Variants in NFATC1 observed in about 807,000 individuals in gnomAD.
NFATC1 encodes the protein nuclear factor of activated T-cells, cytoplasmic 1.
A neutral mutation model predicts 76.0 loss-of-function variants in NFATC1; 22 were observed. The observed-to-expected ratio is 0.29, with a 90% CI of 0.21 to 0.41. The LOEUF is 0.41. Ranked by LOEUF, NFATC1 falls within the 10% of genes least tolerant of loss-of-function variation. The probability of loss-of-function intolerance (pLI) is 1.00; values close to 1 mark genes in which losing one functional copy is unlikely to be tolerated. For missense variants in NFATC1, 1,357 were observed against 1,337.7 expected (o/e 1.01, Z -0.23); for synonymous variants, 704 against 613.1 (o/e 1.15, Z -2.19).
At position 79,461,365 on chromosome 18, in the gene NFATC1, C is replaced by T. The variant is rs766320548; in HGVS notation, c.1958C>T (p.Pro653Leu). 1.0e-5 allele frequency: 15 copies of T among 1,468,206 alleles called. No homozygotes were observed. Among genetic ancestry groups the T allele is most frequent in the South Asian group, 5.8e-5 (5 of 86,378 alleles). The allele number at this position is 1,468,206 out of a possible 1,614,324, so 90.9% of individuals were successfully genotyped here. A position where few individuals can be genotyped will look rare whatever the true frequency, so the allele number is the denominator to read the frequency against. ...AAAACTGACCGGGACCTGTGCAAGC[C>T]GGTGAGTGCCTTTGGCGCAGCTGGA... ...EAKTDRDLCKPNSLVVEIPPF... is the reference protein window; with the variant it reads ...EAKTDRDLCKLNSLVVEIPPF... The change falls in exon 7 of 10, where the codon CCG becomes CTG. Residue 653 changes from proline (P) to leucine (L), a missense_variant and splice_region_variant. By Grantham distance (98) the Pro-to-Leu change is moderately conservative (BLOSUM62 -3). Coordinates refer to ENST00000427363, the MANE Select transcript of NFATC1 (RefSeq NM_001278669.2).
chr18:79,437,674 G>A (rs529019893), intron 3 of NFATC1, among the ~76,000 whole-genome samples: 6 of 152,332 alleles, frequency 3.9e-5, no homozygotes, highest in Admixed American at 1.3e-4. Context: ...TCGGGCAGCC[G>A]CCACCCTCTG....
At chr18:79,434,061 G>A (rs2086689231) in intron 3 of NFATC1, among the ~76,000 whole-genome samples, 1 of 152,228 alleles carries the variant, frequency 6.6e-6, no homozygotes, top group Non-Finnish European at 1.5e-5. Context: ...GGAGGCAGGA[G>A]TTCTCACCAG....
chr18:79,525,083 T>TTAC (rs2090725002), intron 9 of NFATC1, among the ~76,000 whole-genome samples: 1 of 70,488 alleles, frequency 1.4e-5, no homozygotes, highest in Non-Finnish European at 3.0e-5. Context: ...CCCACCGTCG[T>TTAC]TACCCCTCAG....
rs553545096 is a variant in NFATC1 at position 79,452,545 on chromosome 18, G to A, written c.1903+729G>A. On this transcript the variant is annotated intron_variant, in intron 6 of 9. Coordinates refer to ENST00000427363, the MANE Select transcript of NFATC1 (RefSeq NM_001278669.2). ...CAGCCCAGGTCAGTTCCATGCAGAC[G>A]CCGGGCCCCAGCACTCTCATCCCAG... is the stretch of plus-strand genomic sequence containing the variant. Among the ~76,000 whole-genome samples, 24 of 152,312 alleles carry A rather than the reference G, an allele frequency of 1.6e-4. No homozygotes were observed. The East Asian group carries it at 1.7e-3, about 11-fold the overall frequency.
Position 79,463,494 on chromosome 18 carries a change from A to G in NFATC1, c.1959+2128A>G, listed in dbSNP as rs374292517. ...CTCCCCACAGCCCGTTCCCGTGTCC[A>G]TACCGGCCTCTCTTCCCCACGGCCA... On this transcript the variant is annotated intron_variant, in intron 7 of 9. Coordinates refer to ENST00000427363, the MANE Select transcript of NFATC1 (RefSeq NM_001278669.2). Among the ~76,000 whole-genome samples the G allele has an allele frequency of 5.2e-3, 792 of 151,558 alleles. 12 individuals are homozygous for G. The highest frequency in any genetic ancestry group is 0.018 in the African/African-American group (736 of 41,428).
chr18:79,413,646 C>G (rs776535225), intron 2 of NFATC1, among the ~76,000 whole-genome samples: 4 of 152,226 alleles, frequency 2.6e-5, no homozygotes, highest in Non-Finnish European at 5.9e-5. Flanking sequence ...GAGCACCGTT[C>G]GGCTGCCTCA....
rs750618372 is a variant in NFATC1, at chr18:79,411,269, C to T, written c.994C>T (p.Pro332Ser). 2 of 1,603,216 alleles carry T rather than the reference C, an allele frequency of 1.2e-6. No homozygotes were observed. The highest frequency in any genetic ancestry group is 2.2e-5 in the South Asian group (2 of 91,040). ...DSSLDLGDGV[P>S]VKSRKTTLEQ... Reference sequence around the variant, plus strand: ...CAGCCTGGACCTGGGAGATGGCGTCCCTGTCAAGTCCCGCAAGACCACCCT... The same window carrying T: ...CAGCCTGGACCTGGGAGATGGCGTCTCTGTCAAGTCCCGCAAGACCACCCT... The change falls in exon 2 of 10, where the codon CCT becomes TCT. Residue 332 changes from proline (P) to serine (S), a missense_variant. Coordinates refer to ENST00000427363, the MANE Select transcript of NFATC1 (RefSeq NM_001278669.2).
chr18:79,437,028 A>C (rs1223912270), intron 3 of NFATC1, among the ~76,000 whole-genome samples: 1 of 152,084 alleles, frequency 6.6e-6, no homozygotes, highest in Non-Finnish European at 1.5e-5. Context: ...TCAAAGCAAC[A>C]GGGCCGTGGT....
chr18:79,501,108 A>T (rs1167827342), intron 9 of NFATC1, among the ~76,000 whole-genome samples: 1 of 152,186 alleles, frequency 6.6e-6, no homozygotes, highest in African/African-American at 2.4e-5. Flanking sequence ...ATCCAACAAC[A>T]TAAAAAAAAG....
intron 8 of NFATC1, chr18:79,470,487 A>T (rs1340577669): frequency 2.0e-5 from 3 of 152,238 alleles, no homozygotes; most frequent in Non-Finnish European, 4.4e-5. Context: ...CATTTCACGT[A>T]CATGTTTGTA....
intron 2 of NFATC1, among the ~76,000 whole-genome samples, chr18:79,415,717 G>A (rs959385700): frequency 2.0e-5 from 3 of 152,144 alleles, no homozygotes; most frequent in African/African-American, 7.2e-5. Flanking sequence ...CTTAGAGTCC[G>A]CTTGGTTTCA....
At chr18:79,453,748 G>A (rs545531579) in intron 6 of NFATC1, among the ~76,000 whole-genome samples, 1 of 152,374 alleles carries the variant, frequency 6.6e-6, no homozygotes, top group South Asian at 2.1e-4. Context: ...TGTGAATACT[G>A]CAGGGATGAA....
intron 2 of NFATC1, 88 bp downstream of exon 2, chr18:79,411,589 G>A (rs1298969686): frequency 1.1e-5 from 11 of 1,043,920 alleles, no homozygotes; most frequent in East Asian, 1.0e-4. Flanking sequence ...GGGCGGCGCG[G>A]GGCGGCCGTG....
chr18:79,479,683 C>T (rs557972817), intron 8 of NFATC1, among the ~76,000 whole-genome samples: 17 of 152,348 alleles, frequency 1.1e-4, no homozygotes, highest in Admixed American at 8.5e-4. Flanking sequence ...GAGAACATCC[C>T]GCTGCATCCT....
intron 9 of NFATC1, among the ~76,000 whole-genome samples, chr18:79,511,310 C>G (rs1202569096): frequency 6.6e-6 from 1 of 152,216 alleles, no homozygotes; most frequent in Non-Finnish European, 1.5e-5. Context: ...TCTGCCTCCC[C>G]CCTCCCCGCT....
intron 8 of NFATC1, among the ~76,000 whole-genome samples, chr18:79,482,427 G>A (rs1388321627): frequency 3.2e-4 from 42 of 129,450 alleles, no homozygotes; most frequent in South Asian, 5.3e-4. Context: ...TCATTCCAGC[G>A]TGACCTGGTC....
At chr18:79,443,274 C>T (rs1383643152) in intron 3 of NFATC1, among the ~76,000 whole-genome samples, 3 of 152,224 alleles carry the variant, frequency 2.0e-5, no homozygotes, top group Admixed American at 6.5e-5. Flanking sequence ...GTGCACCGCG[C>T]GTATGGACAC....
At chr18:79,467,688 T>A (rs1276637714) in intron 8 of NFATC1, 106 bp downstream of exon 8, 1 of 1,531,184 alleles carries the variant, frequency 6.5e-7, no homozygotes, top group Non-Finnish European at 8.8e-7. Context: ...GTGTTGCACA[T>A]TTAACTGTGT....
rs146109171 is a variant in NFATC1 at position 79,483,411 on chromosome 18, G to C, written c.2093-2837G>C. ...GTGTCATTCCGGCATGACCTGGTTC[G>C]TGGGGTGTCATTCCGGCGTGACCTG... On this transcript the variant is annotated intron_variant, in intron 8 of 9. Transcript: ENST00000427363. Among the ~76,000 whole-genome samples the C allele has an allele frequency of 7.2e-3, 494 of 68,268 alleles. 46 individuals are homozygous for C. Among genetic ancestry groups the C allele is most frequent in the African/African-American group, 0.042 (360 of 8,472 alleles). The allele number at this position is 68,268 out of a possible 152,430, so 44.8% of individuals were successfully genotyped here.
Sources: gnomAD v4.1 joint callset for allele counts (sites outside exome capture counted in the v4.1 genomes callset) on GRCh38, gnomAD v4.1.1 for gene constraint, MANE v1.5 for transcripts, NCBI Gene and HGNC (gene_info 2026-07-23, HGNC 2026-07-21) for gene names.